Variants in PTPRO observed in about 807,000 individuals in gnomAD.
PTPRO encodes protein tyrosine phosphatase receptor type O.
PTPRO carries 62 observed loss-of-function variants against 145.2 expected under a neutral mutation model. The observed-to-expected ratio is 0.43, with a 90% CI of 0.35 to 0.53. The LOEUF (loss-of-function observed/expected upper bound fraction) is 0.53, where lower values mean the gene tolerates loss of function less well. Ranked by LOEUF, PTPRO falls within the 20% of genes least tolerant of loss-of-function variation. The pLI, the probability that PTPRO is intolerant of heterozygous loss-of-function variation, is 0.01. For synonymous variants in PTPRO, 565 were observed against 514.7 expected, an observed-to-expected ratio of 1.10 and a Z score of -1.32; for missense variants, 1,345 against 1,482.7, an observed-to-expected ratio of 0.91 and a Z score of 1.53.
intron 1 of PTPRO, among the ~76,000 whole-genome samples, chr12:15,426,251 T>C (rs1322304318): frequency 1.3e-5 from 2 of 151,904 alleles, no homozygotes; most frequent in Non-Finnish European, 2.9e-5. Context: ...CTATTAATGT[T>C]TGCATGTCTT....
chr12:15,409,909 T>C (rs1180064149), intron 1 of PTPRO, among the ~76,000 whole-genome samples: 4 of 152,144 alleles, frequency 2.6e-5, no homozygotes, highest in Admixed American at 6.5e-5. Flanking sequence ...CATTTCAATA[T>C]GAGTGGGGAT....
At chr12:15,396,005 C>T (rs991656637) in intron 1 of PTPRO, among the ~76,000 whole-genome samples, 2 of 152,140 alleles carry the variant, frequency 1.3e-5, no homozygotes, top group Non-Finnish European at 2.9e-5. Flanking sequence ...CTGATGAATG[C>T]ATTTACCACT....
chr12:15,483,991 T>C lies in PTPRO; in HGVS notation c.93T>C (p.His31=). The C allele has an allele frequency of 8.1e-6, 13 of 1,613,568 alleles. No individual in the cohort carries two copies. Among genetic ancestry groups the C allele is most frequent in the Non-Finnish European group, 1.0e-5 (12 of 1,179,548 alleles). Residue 31 remains histidine (H), a synonymous_variant, in exon 2 of 27, where the codon CAT becomes CAC. Transcript: ENST00000281171. Reference sequence around the variant, plus strand: ...TTCAACAGAATGCTACAGCTTTCCATGTAACTGTCCAAGATGATAATAACA... The same window carrying C: ...TTCAACAGAATGCTACAGCTTTCCACGTAACTGTCCAAGATGATAATAACA... ...FVLFKNATAF[H]VTVQDDNNIV... is the part of the protein sequence containing the mutation.
rs146582008 is a variant in PTPRO, at chr12:15,597,430, G to A, written c.*1357G>A. ...GTGAGCCTCCGTGTGTGTGCTTCCAGGAGGCTTTGCTCCTCTTCATGCACC... is the reference window on the plus strand; with the variant it reads ...GTGAGCCTCCGTGTGTGTGCTTCCAAGAGGCTTTGCTCCTCTTCATGCACC... On this transcript the variant is annotated 3_prime_UTR_variant, in exon 27 of 27. Coordinates refer to ENST00000281171, the MANE Select transcript of PTPRO (RefSeq NM_030667.3). The A allele has an allele frequency of 2.6e-5, 4 of 152,358 alleles. No individual in the cohort carries two copies. The highest frequency in any genetic ancestry group is 9.6e-5 in the African/African-American group (4 of 41,588). 9.4% of individuals were successfully genotyped at this position (152,358 alleles called of 1,614,324 possible). A position where few individuals can be genotyped will look rare whatever the true frequency, so the allele number is the denominator to read the frequency against.
chr12:15,429,155 T>C (rs1231998821), intron 1 of PTPRO, among the ~76,000 whole-genome samples: 1 of 152,144 alleles, frequency 6.6e-6, no homozygotes, highest in Non-Finnish European at 1.5e-5. Flanking sequence ...TTGAAGCTCA[T>C]CCATTCCAAA....
chr12:15,482,585 G>A (rs1054742572), intron 1 of PTPRO, among the ~76,000 whole-genome samples: 3 of 152,124 alleles, frequency 2.0e-5, no homozygotes, highest in Admixed American at 6.5e-5. Context: ...TAATCACCCT[G>A]ATTTGCTCAT....
chr12:15,571,408 C>T (rs960377882), intron 19 of PTPRO, among the ~76,000 whole-genome samples: 3 of 152,178 alleles, frequency 2.0e-5, no homozygotes, highest in Admixed American at 2.0e-4. Context: ...CTGCCTCAGC[C>T]TCCTGAGTAG....
intron 7 of PTPRO, among the ~76,000 whole-genome samples, chr12:15,514,392 C>T (rs1048697870): frequency 7.1e-6 from 1 of 140,434 alleles, no homozygotes; most frequent in Non-Finnish European, 1.5e-5. Context: ...GTGGAGGTTG[C>T]AGTGAGCCCA....
intron 1 of PTPRO, among the ~76,000 whole-genome samples, chr12:15,402,111 C>T (rs903376908): frequency 3.3e-5 from 5 of 152,202 alleles, no homozygotes; most frequent in South Asian, 2.1e-4. Flanking sequence ...AATAGGAAGC[C>T]GGGCACAGTG....
chr12:15,395,642 C>T (rs1939316365), intron 1 of PTPRO, among the ~76,000 whole-genome samples: 1 of 151,834 alleles, frequency 6.6e-6, no homozygotes. Flanking sequence ...GTAAATTTTG[C>T]AAAACTATTA....
chr12:15,470,895 GTATT>G (rs1370642311), intron 1 of PTPRO, among the ~76,000 whole-genome samples: 1 of 152,168 alleles, frequency 6.6e-6, no homozygotes, highest in Non-Finnish European at 1.5e-5. Context: ...ACCTGCCAAT[GTATT>G]TTCTTTGGCT....
At chr12:15,450,880 C>T (rs117680407) in intron 1 of PTPRO, among the ~76,000 whole-genome samples, 2 of 151,916 alleles carry the variant, frequency 1.3e-5, no homozygotes, top group African/African-American at 2.4e-5. Flanking sequence ...CAAAACAGAA[C>T]CCCCTCAAAG....
intron 15 of PTPRO, among the ~76,000 whole-genome samples, chr12:15,553,483 C>A (rs543420120): frequency 6.6e-6 from 1 of 151,928 alleles, no homozygotes; most frequent in African/African-American, 2.4e-5. Flanking sequence ...GTGGCAAGAA[C>A]AGCTGGTGTA....
rs527523790 is a variant in PTPRO at position 15,352,967 on chromosome 12, C to T, written c.75+30166C>T. On this transcript the variant is annotated intron_variant, in intron 1 of 26. Transcript: ENST00000281171. Reference sequence around the variant, plus strand: ...ATGCAGTAGATTCCCATTAATCATCCGGAAAATATGTCTTAGGAATAAGTT... The same window carrying T: ...ATGCAGTAGATTCCCATTAATCATCTGGAAAATATGTCTTAGGAATAAGTT... Among the ~76,000 whole-genome samples, 98 of 152,222 alleles carry T rather than the reference C, an allele frequency of 6.4e-4. 3 individuals carry two copies. Among genetic ancestry groups the T allele is most frequent in the Middle Eastern group, 3.4e-3 (1 of 292 alleles).
chr12:15,444,856 G>A (rs1045876761), intron 1 of PTPRO, among the ~76,000 whole-genome samples: 2 of 151,898 alleles, frequency 1.3e-5, no homozygotes, highest in Non-Finnish European at 2.9e-5. Flanking sequence ...TTTTATAGCT[G>A]GCTGAACAAA....
chr12:15,466,340 A>G (rs1460864603), intron 1 of PTPRO, among the ~76,000 whole-genome samples: 1 of 152,204 alleles, frequency 6.6e-6, no homozygotes, highest in Non-Finnish European at 1.5e-5. Flanking sequence ...TATGTTTGTC[A>G]CTAGTTCAAG....
intron 18 of PTPRO, 80 bp from the exon 19 acceptor site, chr12:15,569,337 G>A: frequency 8.1e-7 from 1 of 1,231,246 alleles, no homozygotes; most frequent in Non-Finnish European, 1.2e-6. Flanking sequence ...AGAAGATTAA[G>A]AAGTATGATA....
chr12:15,386,463 C>T lies in PTPRO; in HGVS notation c.75+63662C>T, dbSNP rs146126944. ...ATAAATATAAACAAATATGCATATA[C>T]ATATACATATATCTGATAACCTGAA... On this transcript the variant is annotated intron_variant, in intron 1 of 26. Coordinates refer to ENST00000281171, the MANE Select transcript of PTPRO (RefSeq NM_030667.3). 8.5e-3 allele frequency among the ~76,000 whole-genome samples: 1,286 copies of T among 152,052 alleles called. 22 individuals carry two copies. The highest frequency in any genetic ancestry group is 0.03 in the African/African-American group (1,236 of 41,478).
chr12:15,366,431 A>G (rs1329051197), intron 1 of PTPRO, among the ~76,000 whole-genome samples: 1 of 152,192 alleles, frequency 6.6e-6, no homozygotes, highest in East Asian at 1.9e-4. Flanking sequence ...ACACTTTTTA[A>G]TAATGAATTC....
Sources: gnomAD v4.1 joint callset for allele counts (sites outside exome capture counted in the v4.1 genomes callset) on GRCh38, gnomAD v4.1.1 for gene constraint, MANE v1.5 for transcripts, NCBI Gene and HGNC (gene_info 2026-07-23, HGNC 2026-07-21) for gene names.